Variants in TPD52L2 observed in about 807,000 individuals in gnomAD.
TPD52L2 encodes the protein tumor protein D54.
TPD52L2 carries 19 observed loss-of-function variants against 24.7 expected under a neutral mutation model. The observed-to-expected ratio is 0.77, with a 90% CI of 0.54 to 1.13. The LOEUF (loss-of-function observed/expected upper bound fraction) is 1.13, where lower values mean the gene tolerates loss of function less well. Among genes scored for constraint, TPD52L2 ranks in the 50% most tolerant of loss-of-function variants. The probability of loss-of-function intolerance (pLI) is 0.00; values close to 1 mark genes in which losing one functional copy is unlikely to be tolerated. For synonymous variants in TPD52L2, 104 were observed against 100.2 expected, an observed-to-expected ratio of 1.04 and a Z score of -0.23; for missense variants, 236 against 250.4, an observed-to-expected ratio of 0.94 and a Z score of 0.39.
intron 5 of TPD52L2, among the ~76,000 whole-genome samples, chr20:63,883,840 G>GCCTC (rs1262803448): frequency 2.2e-5 from 3 of 136,360 alleles, no homozygotes; most frequent in African/African-American, 8.4e-5. Context: ...CTGCCTGCCT[G>GCCTC]CCTCCCTGCC....
chr20:63,888,724 G>A (rs2053222293), intron 5 of TPD52L2: 3 of 168,578 alleles, frequency 1.8e-5, no homozygotes, highest in African/African-American at 7.4e-5. Context: ...GAGAGCCCGG[G>A]GTATCCCTGT....
intron 1 of TPD52L2, among the ~76,000 whole-genome samples, chr20:63,868,614 T>C (rs1021781038): frequency 2.0e-5 from 3 of 152,240 alleles, no homozygotes; most frequent in African/African-American, 7.2e-5. Flanking sequence ...ATGCTTATTG[T>C]GTATATTAAC....
intron 4 of TPD52L2, 36 bp downstream of exon 4, chr20:63,875,911 C>T: frequency 6.2e-7 from 1 of 1,605,526 alleles, no homozygotes. Context: ...CCTCCTTCCT[C>T]CTCTCCGCCT....
intron 3 of TPD52L2, among the ~76,000 whole-genome samples, chr20:63,874,377 T>C (rs961249620): frequency 6.8e-6 from 1 of 146,678 alleles, no homozygotes; most frequent in Non-Finnish European, 1.5e-5. Flanking sequence ...TTTTTTTTTT[T>C]ATTATTATTC....
intron 5 of TPD52L2, among the ~76,000 whole-genome samples, chr20:63,886,416 C>G (rs371850423): frequency 7.9e-5 from 12 of 151,662 alleles, no homozygotes; most frequent in Non-Finnish European, 1.2e-4. Flanking sequence ...GTTGGAGTGC[C>G]GTGGCGCGAT....
chr20:63,891,122 C>T lies in TPD52L2; in HGVS notation c.*1177C>T, dbSNP rs190883722. On this transcript the variant is annotated 3_prime_UTR_variant, in exon 7 of 7. Coordinates refer to ENST00000346249, the MANE Select transcript of TPD52L2 (RefSeq NM_003288.4). This position sits in a 1 kb window ranked among gnomAD's most constrained non-coding sequence, Gnocchi z 4.7. ...CTTCCTGTTACTAAATAGTCGCACC[C>T]CAGCAGCCTCTCTCGCACACCGGGG... 17 of 152,902 alleles carry T rather than the reference C, an allele frequency of 1.1e-4. No individual in the cohort carries two copies. Among genetic ancestry groups the T allele is most frequent in the African/African-American group, 4.1e-4 (17 of 41,562 alleles). The allele number at this position is 152,902 out of a possible 1,614,324, so 9.5% of individuals were successfully genotyped here. A position where few individuals can be genotyped will look rare whatever the true frequency, so the allele number is the denominator to read the frequency against.
intron 4 of TPD52L2, among the ~76,000 whole-genome samples, chr20:63,878,741 C>T (rs773195234): frequency 1.3e-5 from 2 of 152,214 alleles, no homozygotes; most frequent in Admixed American, 6.5e-5. Context: ...GGGGACAGCT[C>T]ACTGGCAGTG....
rs1199717797 is a variant in TPD52L2, at chr20:63,889,730, C to G, written c.526-120C>G. ...CCCGTCCGTGATTTGCTCCCTGTCC[C>G]TGCTGAGCAGTGTTCGTGTTACATA... On this transcript the variant is annotated intron_variant, in intron 6 of 6. Transcript: ENST00000346249. 4 of 949,530 alleles carry G rather than the reference C, an allele frequency of 4.2e-6. No individual in the cohort carries two copies. In the African/African-American group the frequency reaches 4.9e-5, roughly 12 times the overall value. The allele number at this position is 949,530 out of a possible 1,614,324, so 58.8% of individuals were successfully genotyped here.
chr20:63,887,633 C>T (rs781720725), intron 5 of TPD52L2: 3 of 1,609,648 alleles, frequency 1.9e-6, no homozygotes, highest in East Asian at 2.2e-5. Context: ...GCTGCGGCTC[C>T]AGAGCCGGGT....
Position 63,882,723 on chromosome 20 carries a change from A to G in TPD52L2, c.379A>G (p.Lys127Glu), listed in dbSNP as rs749930636. The G allele has an allele frequency of 3.1e-6, 5 of 1,613,398 alleles. No homozygotes were observed. The highest frequency in any genetic ancestry group is 1.3e-5 in the African/African-American group (1 of 75,054). ...NEKVTQSDLYKKTQETLSQAG... is the reference protein window; with the variant it reads ...NEKVTQSDLYEKTQETLSQAG... ...TTTAACTGGTGTGTCTTCCAGCTAC[A>G]AGAAGACTCAGGAAACTCTTTCACA... The change falls in exon 5 of 7, where the codon AAG becomes GAG. Residue 127 changes from lysine to glutamate, a missense_variant. By Grantham distance (56) the Lys-to-Glu change is moderately conservative. Coordinates refer to ENST00000346249, the MANE Select transcript of TPD52L2 (RefSeq NM_003288.4).
intron 5 of TPD52L2, chr20:63,888,761 C>G (rs1031250247): frequency 2.0e-5 from 4 of 197,210 alleles, no homozygotes; most frequent in Non-Finnish European, 3.2e-5. Context: ...GGGCCGACAG[C>G]CCCCCAACTG....
At position 63,882,613 on chromosome 20, in the gene TPD52L2, T is replaced by C. The variant is rs2052944204; in HGVS notation, c.375-106T>C. Reference sequence around the variant, plus strand: ...GCGAGTGTCCACCCCTTGGCCCAGCTCCTTTCCTCAGTTTTCCTCGGGCGT... The same window carrying C: ...GCGAGTGTCCACCCCTTGGCCCAGCCCCTTTCCTCAGTTTTCCTCGGGCGT... On this transcript the variant is annotated intron_variant, in intron 4 of 6. Coordinates refer to ENST00000346249, the MANE Select transcript of TPD52L2 (RefSeq NM_003288.4). The C allele has an allele frequency of 7.8e-6, 7 of 898,816 alleles. No homozygotes were observed. The East Asian group carries it at 1.7e-4, about 22-fold the overall frequency. The allele number at this position is 898,816 out of a possible 1,614,324, so 55.7% of individuals were successfully genotyped here.
chr20:63,883,481 C>A (rs971384618), intron 5 of TPD52L2, among the ~76,000 whole-genome samples: 1 of 152,176 alleles, frequency 6.6e-6, no homozygotes, highest in Non-Finnish European at 1.5e-5. Flanking sequence ...GGGCTACCTC[C>A]TGGCTGGGCA....
At chr20:63,884,685 C>T (rs1261754692) in intron 5 of TPD52L2, among the ~76,000 whole-genome samples, 2 of 152,192 alleles carry the variant, frequency 1.3e-5, no homozygotes, top group African/African-American at 2.4e-5. Flanking sequence ...AGCCTCAGGG[C>T]ATGGCTGGCA....
intron 2 of TPD52L2, among the ~76,000 whole-genome samples, chr20:63,872,073 A>T (rs2052489401): frequency 6.9e-6 from 1 of 144,482 alleles, no homozygotes. Context: ...TAAAGACCTG[A>T]GAAAGTTCAA....
At chr20:63,881,586 C>T (rs2052901195) in intron 4 of TPD52L2, among the ~76,000 whole-genome samples, 3 of 152,252 alleles carry the variant, frequency 2.0e-5, no homozygotes, top group Middle Eastern at 3.4e-3. Flanking sequence ...TCATTGGGAC[C>T]TGGTGCCGCC....
At chr20:63,889,115 T>C in intron 5 of TPD52L2, 75 bp from the exon 6 acceptor site, 1 of 1,349,710 alleles carries the variant, frequency 7.4e-7, no homozygotes, top group Non-Finnish European at 1.1e-6. Context: ...GCCCTAACCC[T>C]GAGGCCCTTC....
At chr20:63,866,683 T>C (rs550280195) in intron 1 of TPD52L2, among the ~76,000 whole-genome samples, 3 of 151,366 alleles carry the variant, frequency 2.0e-5, no homozygotes, top group South Asian at 4.2e-4. Flanking sequence ...ACGGTCTTGA[T>C]ACCCTGACCT....
At chr20:63,886,097 G>A (rs368514509) in intron 5 of TPD52L2, 46 of 1,581,022 alleles carry the variant, frequency 2.9e-5, no homozygotes, top group Admixed American at 1.7e-4. Flanking sequence ...TTGGGGCAGG[G>A]TGGACTCCGG....
Sources: gnomAD v4.1 joint callset for allele counts (sites outside exome capture counted in the v4.1 genomes callset) on GRCh38, gnomAD v4.1.1 for gene constraint, Gnocchi (gnomAD v3.1) non-coding constraint, MANE v1.5 for transcripts, NCBI Gene and HGNC (gene_info 2026-07-23, HGNC 2026-07-21) for gene names.